Variants in ADGRB3 observed in about 807,000 individuals in gnomAD.
ADGRB3 encodes adhesion G protein-coupled receptor B3.
Under a neutral mutation model 193.4 loss-of-function variants are expected in ADGRB3, and 37 were observed. The ratio of observed to expected loss-of-function variants is 0.19; its 90% CI spans 0.15 to 0.25. The LOEUF (loss-of-function observed/expected upper bound fraction) is 0.25, where lower values mean the gene tolerates loss of function less well. Ranked by LOEUF, ADGRB3 falls within the 10% of genes least tolerant of loss-of-function variation. The pLI, the probability that ADGRB3 is intolerant of heterozygous loss-of-function variation, is 1.00. For missense variants in ADGRB3, 1,637 were observed against 1,852.9 expected (o/e 0.88, Z 2.14); for synonymous variants, 690 against 644.2 (o/e 1.07, Z -1.08).
intron 17 of ADGRB3, among the ~76,000 whole-genome samples, chr6:69,146,859 G>A (rs1582498027): frequency 2.1e-5 from 1 of 48,426 alleles, no homozygotes; most frequent in Admixed American, 2.8e-4. Context: ...TTCAGGTTTT[G>A]GACCTCTTCA....
intron 3 of ADGRB3, among the ~76,000 whole-genome samples, chr6:68,813,143 A>T (rs1767552067): frequency 6.6e-6 from 1 of 152,086 alleles, no homozygotes; most frequent in South Asian, 2.1e-4. Context: ...GATAGTAAAT[A>T]AGTCTCACGA....
chr6:68,823,522 G>C (rs1385946884), intron 3 of ADGRB3, among the ~76,000 whole-genome samples: 1 of 151,906 alleles, frequency 6.6e-6, no homozygotes, highest in African/African-American at 2.4e-5. Context: ...TTTCCTTCAT[G>C]TTTCAGACAT....
intron 26 of ADGRB3, among the ~76,000 whole-genome samples, chr6:69,353,930 G>A (rs1769281546): frequency 6.6e-6 from 1 of 152,070 alleles, no homozygotes; most frequent in South Asian, 2.1e-4. Flanking sequence ...GGGCGTGGTG[G>A]TGCATGCCTG....
intron 17 of ADGRB3, among the ~76,000 whole-genome samples, chr6:69,182,224 G>A (rs1561944694): frequency 6.6e-6 from 1 of 152,102 alleles, no homozygotes; most frequent in Non-Finnish European, 1.5e-5. Flanking sequence ...CTATGGCATA[G>A]AGAAAAATTG....
intron 10 of ADGRB3, among the ~76,000 whole-genome samples, chr6:68,976,922 AAT>A (rs1768766074): frequency 6.6e-6 from 1 of 151,436 alleles, no homozygotes; most frequent in Non-Finnish European, 1.5e-5. Flanking sequence ...TTCTGTTGTA[AAT>A]ATATACTTAC....
intron 17 of ADGRB3, among the ~76,000 whole-genome samples, chr6:69,208,624 G>A (rs1166963169): frequency 6.6e-6 from 1 of 152,170 alleles, no homozygotes; most frequent in Non-Finnish European, 1.5e-5. Flanking sequence ...CATCTGTGAA[G>A]CAAGCCCTAG....
At chr6:69,358,705 T>TA (rs2127330531) in intron 28 of ADGRB3, among the ~76,000 whole-genome samples, 1 of 152,056 alleles carries the variant, frequency 6.6e-6, no homozygotes, top group East Asian at 1.9e-4. Context: ...AGTTGCTTTA[T>TA]ATTTTGTTTG....
chr6:68,923,934 G>C (rs1158245738), intron 3 of ADGRB3, among the ~76,000 whole-genome samples: 2 of 152,052 alleles, frequency 1.3e-5, no homozygotes, highest in Non-Finnish European at 2.9e-5. Context: ...ATTGTATGCT[G>C]TAAGAGTTTT....
At chr6:69,357,045 C>T (rs73748507) in intron 28 of ADGRB3, among the ~76,000 whole-genome samples, 2,276 of 152,056 alleles carry the variant, frequency 0.015, 61 homozygotes, top group African/African-American at 0.052. Context: ...TCATTTAGCC[C>T]AATCCAAGTA....
At chr6:69,070,440 C>T (rs1772047507) in intron 16 of ADGRB3, among the ~76,000 whole-genome samples, 1 of 152,126 alleles carries the variant, frequency 6.6e-6, no homozygotes, top group South Asian at 2.1e-4. Flanking sequence ...ACAAATCCAT[C>T]GCCTCACAAA....
intron 3 of ADGRB3, among the ~76,000 whole-genome samples, chr6:68,886,912 C>T (rs1379525100): frequency 6.6e-6 from 1 of 151,704 alleles, no homozygotes. Flanking sequence ...ATAACATCAT[C>T]CCTATAACTT....
chr6:68,920,437 G>C (rs1214743692), intron 3 of ADGRB3, among the ~76,000 whole-genome samples: 1 of 146,986 alleles, frequency 6.8e-6, no homozygotes, highest in Non-Finnish European at 1.5e-5. Context: ...AGAATGACGT[G>C]AACCCGGGAG....
chr6:68,710,794 C>G (rs764549743), intron 3 of ADGRB3, among the ~76,000 whole-genome samples: 1 of 152,126 alleles, frequency 6.6e-6, no homozygotes, highest in South Asian at 2.1e-4. Context: ...CTCATCATTT[C>G]TTTGCCTTAG....
At chr6:69,221,413 T>C (rs1765890952) in intron 17 of ADGRB3, among the ~76,000 whole-genome samples, 1 of 152,144 alleles carries the variant, frequency 6.6e-6, no homozygotes, top group South Asian at 2.1e-4. Flanking sequence ...CCACTGCTAC[T>C]CTCTGGTGTA....
At chr6:68,956,891 A>G in intron 8 of ADGRB3, 82 bp downstream of exon 8, 2 of 1,482,552 alleles carry the variant, frequency 1.3e-6, no homozygotes, top group Non-Finnish European at 1.8e-6. Flanking sequence ...TCATTGGTTA[A>G]GGGTCATATT....
In ADGRB3 at chr6:69,166,465, C is replaced by T. The variant is rs576539189; in HGVS notation, c.2481-66825C>T. ...GATTGATTCAATTTAAATAAATTAACAAGAAACCAATGTATAAAATGTAGA... is the reference window on the plus strand; with the variant it reads ...GATTGATTCAATTTAAATAAATTAATAAGAAACCAATGTATAAAATGTAGA... On this transcript the variant is annotated intron_variant, in intron 17 of 31. Coordinates refer to ENST00000370598, the MANE Select transcript of ADGRB3 (RefSeq NM_001704.3). 3.3e-5 allele frequency among the ~76,000 whole-genome samples: 5 copies of T among 152,138 alleles called. No individual in the cohort carries two copies. In the South Asian group the frequency reaches 1.0e-3, roughly 32 times the overall value.
At chr6:68,845,937 C>T (rs62418577) in intron 3 of ADGRB3, among the ~76,000 whole-genome samples, 15,983 of 152,080 alleles carry the variant, frequency 0.11, 955 homozygotes, top group Non-Finnish European at 0.13. Flanking sequence ...CAGAAGAAGA[C>T]AGGAAAATGT....
intron 3 of ADGRB3, among the ~76,000 whole-genome samples, chr6:68,711,279 A>T (rs1329621632): frequency 6.6e-6 from 1 of 151,990 alleles, no homozygotes; most frequent in African/African-American, 2.4e-5. Flanking sequence ...TTGAATTCCT[A>T]TTCCTTCCAG....
chr6:68,777,583 A>C (rs1271907123), intron 3 of ADGRB3, among the ~76,000 whole-genome samples: 1 of 151,684 alleles, frequency 6.6e-6, no homozygotes, highest in East Asian at 1.9e-4. Context: ...AATGGCTAAA[A>C]TAAATATGCC....
Sources: gnomAD v4.1 joint callset for allele counts (sites outside exome capture counted in the v4.1 genomes callset) on GRCh38, gnomAD v4.1.1 for gene constraint, MANE v1.5 for transcripts, NCBI Gene and HGNC (gene_info 2026-07-23, HGNC 2026-07-21) for gene names.